The following LBHD2 variants were observed in gnomAD, a reference collection of about 807,000 sequenced individuals.
The protein encoded by LBHD2 is LBH domain-containing protein 2.
At chr14:103,088,809 C>T (rs1889669445) in intron 3 of LBHD2, among the ~76,000 whole-genome samples, 1 of 152,222 alleles carries the variant, frequency 6.6e-6, no homozygotes, top group African/African-American at 2.4e-5. Flanking sequence ...GCCTGGCCAA[C>T]ATGGTGAAAC....
chr14:103,087,678 G>C (rs1243780979), intron 2 of LBHD2, among the ~76,000 whole-genome samples: 1 of 152,220 alleles, frequency 6.6e-6, no homozygotes, highest in Non-Finnish European at 1.5e-5. Flanking sequence ...GGAGGCCAAG[G>C]GCCCAGCAGG....
chr14:103,087,976 G>A, intron 2 of LBHD2, 109 bp from the exon 3 acceptor site: 1 of 397,862 alleles, frequency 2.5e-6, no homozygotes, highest in Non-Finnish European at 4.4e-6. Flanking sequence ...TGGGGACTGG[G>A]TGGGAAGGGT....
At chr14:103,086,905 G>A (rs1321811492) in intron 2 of LBHD2, among the ~76,000 whole-genome samples, 3 of 152,170 alleles carry the variant, frequency 2.0e-5, no homozygotes, top group Non-Finnish European at 4.4e-5. Flanking sequence ...GGACAGAGGT[G>A]AGCACCAGGA....
chr14:103,087,812 C>G (rs1889654651), intron 2 of LBHD2, among the ~76,000 whole-genome samples: 1 of 152,294 alleles, frequency 6.6e-6, no homozygotes, highest in South Asian at 2.1e-4. Context: ...GTGCAATGGG[C>G]TTCTGGAGCT....
intron 2 of LBHD2, among the ~76,000 whole-genome samples, chr14:103,087,519 G>A (rs551441544): frequency 1.3e-5 from 2 of 152,228 alleles, no homozygotes; most frequent in East Asian, 1.9e-4. Flanking sequence ...GACCTTGAAC[G>A]GGAGGTGGAG....
At position 103,085,785 on chromosome 14, in the gene LBHD2, C is replaced by T. The variant is rs150414557; in HGVS notation, c.-37-191C>T. 7.0e-3 allele frequency among the ~76,000 whole-genome samples: 1,062 copies of T among 152,358 alleles called. 15 individuals are homozygous for T. The highest frequency in any genetic ancestry group is 0.024 in the African/African-American group (1,014 of 41,578). ...CTGCCTGTGCCCTCTTGCAGGCACA[C>T]TGTGCGGCCAGGGTCCAGTGCCCCC... On this transcript the variant is annotated intron_variant, in intron 1 of 3. Transcript: ENST00000634353.
In LBHD2 at chr14:103,088,128, G is replaced by A. The variant is rs1205083547; in HGVS notation, c.113G>A (p.Arg38Gln). The change falls in exon 3 of 4, where the codon CGG (arginine) becomes CAG (glutamine). Residue 38 changes from arginine (R) to glutamine (Q), a missense_variant. Arg to Gln is a conservative substitution (Grantham distance 43). Transcript: ENST00000634353. The part of the protein sequence containing the change: ...AWEKGPRLGQ[R>Q]LPSIVVEPSE... ...GAGAAGGGCCCTCGGCTGGGCCAGC[G>A]GCTGCCCTCAATCGTGGTGGAGCCC... 8 of 398,582 alleles carry A rather than the reference G, an allele frequency of 2.0e-5. No individual in the cohort carries two copies. Among genetic ancestry groups the A allele is most frequent in the African/African-American group, 6.2e-5 (3 of 48,630 alleles). The allele number at this position is 398,582 out of a possible 1,614,324, so 24.7% of individuals were successfully genotyped here.
In LBHD2 at chr14:103,085,344, G is replaced by A. The variant is rs528012404; in HGVS notation, c.-37-632G>A. 1.2e-4 allele frequency among the ~76,000 whole-genome samples: 19 copies of A among 152,342 alleles called. No individual in the cohort carries two copies. The South Asian group carries it at 3.9e-3, about 32-fold the overall frequency. On this transcript the variant is annotated intron_variant, in intron 1 of 3. Transcript: ENST00000634353. ...CCACACGGCCCGAGCGCAGGTGAAG[G>A]GTCTGGCTGGTGCCAACTCCTGCCA... is the stretch of plus-strand genomic sequence containing the variant.
intron 1 of LBHD2, among the ~76,000 whole-genome samples, chr14:103,085,446 G>A (rs1200403695): frequency 1.9e-4 from 9 of 47,420 alleles, no homozygotes; most frequent in African/African-American, 6.8e-4. Flanking sequence ...GAGTGGGTGC[G>A]GCCAAGTGCA....
chr14:103,087,100 G>C (rs777598477), intron 2 of LBHD2, among the ~76,000 whole-genome samples: 60 of 152,232 alleles, frequency 3.9e-4, no homozygotes, highest in Non-Finnish European at 6.6e-4. Context: ...CCAGCCTTTG[G>C]GGTAGGGATG....
chr14:103,085,343 G>A (rs1889619209), intron 1 of LBHD2, among the ~76,000 whole-genome samples: 1 of 152,232 alleles, frequency 6.6e-6, no homozygotes, highest in Admixed American at 6.5e-5. Context: ...CGCAGGTGAA[G>A]GGTCTGGCTG....
intron 1 of LBHD2, among the ~76,000 whole-genome samples, chr14:103,085,188 C>T (rs959433696): frequency 2.6e-5 from 4 of 152,290 alleles, no homozygotes; most frequent in Admixed American, 2.0e-4. Flanking sequence ...TCCTGCTGGT[C>T]TCTGCTCTCC....
chr14:103,085,504 C>T (rs1422384214), intron 1 of LBHD2, among the ~76,000 whole-genome samples: 1 of 152,166 alleles, frequency 6.6e-6, no homozygotes, highest in Non-Finnish European at 1.5e-5. Flanking sequence ...GAGGGCCTGG[C>T]CCGGGGTGTG....
intron 2 of LBHD2, 140 bp from the exon 3 acceptor site, chr14:103,087,945 C>T (rs1889656376): frequency 1.5e-5 from 6 of 397,396 alleles, no homozygotes; most frequent in Admixed American, 8.8e-5. Flanking sequence ...TGTGTGAATA[C>T]ACATGTGCCC....
At chr14:103,087,803 T>C (rs796683367) in intron 2 of LBHD2, among the ~76,000 whole-genome samples, 14 of 152,252 alleles carry the variant, frequency 9.2e-5, no homozygotes, top group African/African-American at 3.4e-4. Context: ...GCTCTGGCTG[T>C]GCAATGGGCT....
chr14:103,088,233 C>T lies in LBHD2; in HGVS notation c.218C>T (p.Ala73Val), dbSNP rs1363444862. 5.0e-6 allele frequency: 2 copies of T among 398,734 alleles called. No individual in the cohort carries two copies. The highest frequency in any genetic ancestry group is 8.8e-6 in the Non-Finnish European group (2 of 226,264). The allele number at this position is 398,734 out of a possible 1,614,324, so 24.7% of individuals were successfully genotyped here. The change falls in exon 3 of 4, where the codon GCT becomes GTT. Residue 73 changes from alanine to valine, a missense_variant. Physicochemically the swap from Ala to Val is moderately conservative, Grantham distance 64. Coordinates refer to ENST00000634353, the MANE Select transcript of LBHD2 (RefSeq NM_001330236.2). ...SAQRGPSQSRAAAAPSPSLPG... is the reference protein window; with the variant it reads ...SAQRGPSQSRVAAAPSPSLPG... Reference sequence around the variant, plus strand: ...CAGAGGGGCCCCTCTCAGAGCCGGGCTGCTGCTGGTAAGTGAGGGTGCCTG... The same window carrying T: ...CAGAGGGGCCCCTCTCAGAGCCGGGTTGCTGCTGGTAAGTGAGGGTGCCTG...
chr14:103,084,648 C>T (rs188466870), intron 1 of LBHD2, among the ~76,000 whole-genome samples: 5 of 152,180 alleles, frequency 3.3e-5, no homozygotes, highest in Admixed American at 3.3e-4. Flanking sequence ...CTCAAGCTGA[C>T]AGCTCTATCA....
chr14:103,085,629 C>G (rs112267659), intron 1 of LBHD2, among the ~76,000 whole-genome samples: 1 of 152,340 alleles, frequency 6.6e-6, no homozygotes, highest in South Asian at 2.1e-4. Flanking sequence ...TAGGACACTC[C>G]GTGTCCTTCC....
At chr14:103,085,171 C>T (rs577229340) in intron 1 of LBHD2, among the ~76,000 whole-genome samples, 2 of 152,270 alleles carry the variant, frequency 1.3e-5, no homozygotes, top group Admixed American at 1.3e-4. Flanking sequence ...ACGTCACAGG[C>T]ATTCCATCCT....
Sources: gnomAD v4.1 joint callset for allele counts (sites outside exome capture counted in the v4.1 genomes callset) on GRCh38, gnomAD v4.1.1 for gene constraint, MANE v1.5 for transcripts, NCBI Gene and HGNC (gene_info 2026-07-23, HGNC 2026-07-21) for gene names.